The following PDZRN4 variants were observed in gnomAD, a reference collection of about 807,000 sequenced individuals.
PDZRN4 encodes the protein PDZ domain-containing RING finger protein 4.
Under a neutral mutation model 99.0 loss-of-function variants are expected in PDZRN4, and 70 were observed. The observed-to-expected ratio is 0.71, with a 90% CI of 0.58 to 0.86. The LOEUF is 0.86. Among genes scored for constraint, PDZRN4 ranks in the 40% least tolerant of loss-of-function variants. The probability of loss-of-function intolerance (pLI) is 0.00; values close to 1 mark genes in which losing one functional copy is unlikely to be tolerated. For synonymous variants in PDZRN4, 551 were observed against 501.6 expected (o/e 1.10, Z -1.32); for missense variants, 1,474 against 1,331.2 (o/e 1.11, Z -1.67).
At position 41,573,543 on chromosome 12, in the gene PDZRN4, C is replaced by A. The variant is rs764498525; in HGVS notation, c.2764C>A (p.Arg922=). 2.5e-6 allele frequency: 4 copies of A among 1,613,860 alleles called. No homozygotes were observed. The South Asian group carries it at 3.3e-5, about 13-fold the overall frequency. The part of the protein sequence containing the change: ...KERALKIKEE[R]SGMTTDDDTM... ...ACGTGCCTTAAAGATCAAGGAAGAG[C>A]GGAGTGGCATGACCACAGACGATGA... is the stretch of plus-strand genomic sequence containing the variant. The change falls in exon 10 of 10, where the codon CGG becomes AGG. Residue 922 remains arginine (R), a synonymous_variant. Transcript: ENST00000402685.
intron 3 of PDZRN4, among the ~76,000 whole-genome samples, chr12:41,362,949 G>T (rs1951973982): frequency 6.6e-6 from 1 of 152,054 alleles, no homozygotes. Flanking sequence ...TGATGTATAT[G>T]TTCTGTTCTT....
chr12:41,467,484 G>GA (rs1361016049), intron 3 of PDZRN4, among the ~76,000 whole-genome samples: 1 of 152,122 alleles, frequency 6.6e-6, no homozygotes, highest in East Asian at 1.9e-4. Context: ...CTACTCAATA[G>GA]AAAAAACACG....
intron 3 of PDZRN4, among the ~76,000 whole-genome samples, chr12:41,478,693 A>C (rs1417569144): frequency 6.6e-6 from 1 of 152,188 alleles, no homozygotes; most frequent in Non-Finnish European, 1.5e-5. Context: ...AACATGACCT[A>C]ATAATGATAT....
intron 3 of PDZRN4, among the ~76,000 whole-genome samples, chr12:41,237,144 A>T (rs896409207): frequency 3.3e-5 from 5 of 152,176 alleles, no homozygotes; most frequent in African/African-American, 1.2e-4. Flanking sequence ...TGTAATCATT[A>T]TACCTTCTTG....
chr12:41,547,432 C>A (rs1938975073), intron 5 of PDZRN4, among the ~76,000 whole-genome samples: 1 of 152,064 alleles, frequency 6.6e-6, no homozygotes, highest in African/African-American at 2.4e-5. Context: ...TTGAGACCAA[C>A]CTGGCCAACA....
intron 3 of PDZRN4, among the ~76,000 whole-genome samples, chr12:41,478,368 A>G (rs560203520): frequency 6.6e-6 from 1 of 152,202 alleles, no homozygotes; most frequent in South Asian, 2.1e-4. Flanking sequence ...CGCCTGTCTC[A>G]GCCTCCCAAA....
chr12:41,456,490 TA>T (rs1384996217), intron 3 of PDZRN4, among the ~76,000 whole-genome samples: 9 of 152,196 alleles, frequency 5.9e-5, no homozygotes, highest in Admixed American at 5.9e-4. Context: ...GGCAAGGGAA[TA>T]ATCCAAGAAG....
At chr12:41,331,477 C>T (rs1287931253) in intron 3 of PDZRN4, among the ~76,000 whole-genome samples, 1 of 151,790 alleles carries the variant, frequency 6.6e-6, no homozygotes, top group East Asian at 1.9e-4. Flanking sequence ...AAGCACCTGT[C>T]AAGAGATTGG....
At chr12:41,323,102 C>G (rs2120977481) in intron 3 of PDZRN4, among the ~76,000 whole-genome samples, 1 of 152,192 alleles carries the variant, frequency 6.6e-6, no homozygotes, top group African/African-American at 2.4e-5. Flanking sequence ...TTCTTTAGGA[C>G]TTTCTGGATC....
At chr12:41,334,400 A>G (rs1282619189) in intron 3 of PDZRN4, among the ~76,000 whole-genome samples, 1 of 151,764 alleles carries the variant, frequency 6.6e-6, no homozygotes, top group Non-Finnish European at 1.5e-5. Context: ...AAAAAAAAAA[A>G]AAAAAGAAAG....
intron 5 of PDZRN4, among the ~76,000 whole-genome samples, chr12:41,515,282 G>A (rs1232380985): frequency 1.3e-5 from 2 of 152,060 alleles, no homozygotes; most frequent in African/African-American, 2.4e-5. Context: ...AGTGTATAGA[G>A]TATAAAAGAG....
At chr12:41,457,555 G>A (rs1952826651) in intron 3 of PDZRN4, among the ~76,000 whole-genome samples, 2 of 151,904 alleles carry the variant, frequency 1.3e-5, no homozygotes, top group Admixed American at 1.3e-4. Flanking sequence ...CCTTTTTTTA[G>A]CTATAGCAGA....
chr12:41,275,663 T>TA (rs951688606), intron 3 of PDZRN4, among the ~76,000 whole-genome samples: 6 of 150,984 alleles, frequency 4.0e-5, no homozygotes, highest in Non-Finnish European at 5.9e-5. Context: ...TGGATTTTTT[T>TA]AAAAAAATAA....
chr12:41,264,200 G>A (rs1951262359), intron 3 of PDZRN4, among the ~76,000 whole-genome samples: 1 of 152,120 alleles, frequency 6.6e-6, no homozygotes, highest in South Asian at 2.1e-4. Flanking sequence ...TGAAAACATT[G>A]TATTGGCAGA....
At chr12:41,529,555 C>G (rs1938625245) in intron 5 of PDZRN4, among the ~76,000 whole-genome samples, 1 of 152,138 alleles carries the variant, frequency 6.6e-6, no homozygotes, top group Non-Finnish European at 1.5e-5. Context: ...TTATAAGGTA[C>G]TACTAGGATA....
rs1284692019 is a variant in PDZRN4, at chr12:41,188,602, G to GCGCCGGTGCCCGCTGCAGTGC, written c.149_169dup (p.Arg50_Cys56dup). The GCGCCGGTGCCCGCTGCAGTGC allele has an allele frequency of 3.9e-6, 6 of 1,540,026 alleles. No individual in the cohort carries two copies. In the East Asian group the frequency reaches 9.7e-5, roughly 25 times the overall value. ...GCCTGTTGCCCTGGGCGGTGCGGAG[G>GCGCCGGTGCCCGCTGCAGTGC]CGCCGGTGCCCGCTGCAGTGCCAGC... On this transcript the variant is annotated inframe_insertion, in exon 1 of 10. Transcript: ENST00000402685.
rs754059444 is a variant in PDZRN4 at position 41,188,705 on chromosome 12, C to A, written c.250C>A (p.Arg84Ser). ...IQKLRVQCDYRARGCGHSVRL... is the reference protein window; with the variant it reads ...IQKLRVQCDYSARGCGHSVRL... ...GAAGCTGCGAGTCCAGTGCGACTAC[C>A]GCGCCCGCGGCTGCGGCCACTCGGT... is the stretch of plus-strand genomic sequence containing the variant. The change falls in exon 1 of 10, where the codon CGC becomes AGC. Residue 84 changes from arginine (R) to serine (S), a missense_variant. By Grantham distance (110) the Arg-to-Ser change is moderately radical. Transcript: ENST00000402685. 4 of 1,556,112 alleles carry A rather than the reference C, an allele frequency of 2.6e-6. No homozygotes were observed. Among genetic ancestry groups the A allele is most frequent in the Admixed American group, 1.8e-5 (1 of 55,774 alleles).
At chr12:41,239,790 G>T (rs572665397) in intron 3 of PDZRN4, among the ~76,000 whole-genome samples, 2 of 152,284 alleles carry the variant, frequency 1.3e-5, no homozygotes, top group African/African-American at 4.8e-5. Context: ...GATGCTACAG[G>T]AGTAAACAGA....
intron 3 of PDZRN4, among the ~76,000 whole-genome samples, chr12:41,402,089 AATATATATATATATATACACACTGAGT>A (rs1952293003): frequency 1.4e-5 from 1 of 70,360 alleles, no homozygotes; most frequent in African/African-American, 6.5e-5. Context: ...AAAAAAAAGA[AATATATATATATATATACACACTGAGT>A]ATATATATAT....
Sources: gnomAD v4.1 joint callset for allele counts (sites outside exome capture counted in the v4.1 genomes callset) on GRCh38, gnomAD v4.1.1 for gene constraint, MANE v1.5 for transcripts, NCBI Gene and HGNC (gene_info 2026-07-23, HGNC 2026-07-21) for gene names.